Variants in SCAP observed in about 807,000 individuals in gnomAD.
SCAP encodes sterol regulatory element-binding protein cleavage-activating protein.
SCAP carries 65 observed loss-of-function variants against 123.6 expected under a neutral mutation model. That is an observed-to-expected ratio of 0.53 (90% CI 0.43 to 0.65). The LOEUF is 0.65. SCAP is among the 30% of genes least tolerant of loss of function. The pLI is 0.00. For missense variants in SCAP, 1,398 were observed against 1,712.5 expected (o/e 0.82, Z 3.24); for synonymous variants, 740 against 726.3 (o/e 1.02, Z -0.30).
chr3:47,435,224 A>G, intron 2 of SCAP, 87 bp from the exon 3 acceptor site: 1 of 1,423,766 alleles, frequency 7.0e-7, no homozygotes, highest in Non-Finnish European at 9.4e-7. Flanking sequence ...TGGAGTTAAT[A>G]ACTAAATTCT....
At chr3:47,429,712 A>G (rs1706283962) in intron 3 of SCAP, among the ~76,000 whole-genome samples, 1 of 152,180 alleles carries the variant, frequency 6.6e-6, no homozygotes, top group Non-Finnish European at 1.5e-5. Flanking sequence ...ATTTTTACTG[A>G]AGCACAGCCA....
intron 10 of SCAP, among the ~76,000 whole-genome samples, chr3:47,421,570 TG>T (rs1705901490): frequency 6.6e-6 from 1 of 152,260 alleles, no homozygotes; most frequent in Admixed American, 6.5e-5. Context: ...TTTTCTGAGA[TG>T]TCGGTGTTGA....
intron 1 of SCAP, among the ~76,000 whole-genome samples, chr3:47,462,203 C>T (rs1010289747): frequency 1.3e-5 from 2 of 152,160 alleles, no homozygotes; most frequent in Non-Finnish European, 2.9e-5. Flanking sequence ...GCAGCCATCA[C>T]CACCATCCAT....
chr3:47,476,066 C>T (rs1317766262), upstream of SCAP: 3 of 151,542 alleles, frequency 2.0e-5, no homozygotes, highest in African/African-American at 4.9e-5. Context: ...CTGGTGGACA[C>T]CGGAGGGAAG....
At chr3:47,442,720 G>A in intron 2 of SCAP, 152 bp downstream of exon 2, 1 of 659,760 alleles carries the variant, frequency 1.5e-6, no homozygotes, top group South Asian at 2.1e-5. Flanking sequence ...AACCAGGCCA[G>A]GACTAGAGTT....
At chr3:47,429,262 C>G (rs545824412) in intron 3 of SCAP, among the ~76,000 whole-genome samples, 1 of 152,352 alleles carries the variant, frequency 6.6e-6, no homozygotes, top group South Asian at 2.1e-4. Context: ...GCACATTGGG[C>G]AGCGAGCCTC....
rs1183920651 is a variant in SCAP, at chr3:47,417,137, A to T, written c.3041T>A (p.Val1014Glu). The T allele has an allele frequency of 6.2e-7, 1 of 1,613,084 alleles. No homozygotes were observed. Among genetic ancestry groups the T allele is most frequent in the South Asian group, 1.1e-5 (1 of 91,090 alleles). Residue 1014 changes from valine (V) to glutamate (E), a missense_variant, in exon 18 of 23, where the codon GTG becomes GAG. By Grantham distance (121) the Val-to-Glu change is moderately radical. Around this residue, in one of 7 missense-constraint regions of SCAP, gnomAD observed 828 missense variants for 882.5 expected, o/e 0.94. Coordinates refer to ENST00000265565, the MANE Select transcript of SCAP (RefSeq NM_012235.4). ...EEVSSGITAL[V>E]FLDKRIVAAR... ...CCACGCTCACCTTTTGTCCAAGAACACCAGAGCGGTAATGCCTGAGGAGAC... is the reference window on the plus strand; with the variant it reads ...CCACGCTCACCTTTTGTCCAAGAACTCCAGAGCGGTAATGCCTGAGGAGAC...
intron 1 of SCAP, among the ~76,000 whole-genome samples, chr3:47,455,589 C>T: frequency 8.1e-6 from 1 of 123,604 alleles, no homozygotes; most frequent in Non-Finnish European, 1.6e-5. Context: ...AGCAAGACTC[C>T]ACCTCAAAAA....
At chr3:47,434,659 G>A (rs939285505) in intron 3 of SCAP, among the ~76,000 whole-genome samples, 15 of 152,146 alleles carry the variant, frequency 9.9e-5, no homozygotes, top group Non-Finnish European at 2.1e-4. Flanking sequence ...CCAACATAGT[G>A]AAACTCCATC....
chr3:47,418,085 G>T (rs1266857710), intron 16 of SCAP, 49 bp downstream of exon 16: 3 of 1,394,934 alleles, frequency 2.2e-6, no homozygotes, highest in South Asian at 1.2e-5. Context: ...GGGGGGTGGG[G>T]TGAGGGGGGT....
intron 2 of SCAP, among the ~76,000 whole-genome samples, chr3:47,438,639 C>A (rs1300844472): frequency 6.6e-6 from 1 of 151,828 alleles, no homozygotes; most frequent in Non-Finnish European, 1.5e-5. Context: ...CATGGTGAAA[C>A]CCCGTCTTTA....
chr3:47,424,173 C>T, intron 8 of SCAP, 128 bp from the exon 9 acceptor site: 1 of 673,510 alleles, frequency 1.5e-6, no homozygotes, highest in South Asian at 1.7e-5. Context: ...AGGTGCTGGG[C>T]AGAAACCCTC....
Position 47,414,285 on chromosome 3 carries a change from G to A in SCAP, c.3489C>T (p.Val1163=). The change falls in exon 22 of 23, where the codon GTC becomes GTT. Residue 1163 remains valine (V), a synonymous_variant. Coordinates refer to ENST00000265565, the MANE Select transcript of SCAP (RefSeq NM_012235.4). The part of the protein sequence containing the change: ...VSHVFAHRGD[V]TSLTCTTSCV... ...AGGAGGTGGTACAGGTAAGGGAGGT[G>A]ACATCCCCACGGTGAGCAAACACAT... is the stretch of plus-strand genomic sequence containing the variant. The A allele has an allele frequency of 3.7e-6, 6 of 1,613,438 alleles. No individual in the cohort carries two copies. Among genetic ancestry groups the A allele is most frequent in the Non-Finnish European group, 4.2e-6 (5 of 1,180,018 alleles).
chr3:47,469,216 C>T (rs983962048), intron 1 of SCAP, among the ~76,000 whole-genome samples: 1 of 152,114 alleles, frequency 6.6e-6, no homozygotes, highest in Non-Finnish European at 1.5e-5. Flanking sequence ...GGTGTGGTGG[C>T]ACATGCCTGT....
intron 2 of SCAP, 102 bp downstream of exon 2, chr3:47,442,770 T>TA (rs1706855444): frequency 9.6e-7 from 1 of 1,037,010 alleles, no homozygotes; most frequent in Non-Finnish European, 1.5e-6. Context: ...TCCCATTGTG[T>TA]AAAAAGCATA....
intron 1 of SCAP, among the ~76,000 whole-genome samples, chr3:47,467,988 C>T (rs543183620): frequency 6.0e-5 from 9 of 151,170 alleles, no homozygotes; most frequent in East Asian, 3.9e-4. Context: ...TCTGTCCTTG[C>T]GATAGTTTGC....
At chr3:47,444,559 C>G (rs953269662) in intron 1 of SCAP, among the ~76,000 whole-genome samples, 1 of 152,094 alleles carries the variant, frequency 6.6e-6, no homozygotes, top group Non-Finnish European at 1.5e-5. Flanking sequence ...ACTGCAACCT[C>G]TGCCTCCCAG....
intron 1 of SCAP, among the ~76,000 whole-genome samples, chr3:47,461,286 A>G (rs758995833): frequency 1.3e-5 from 2 of 152,198 alleles, no homozygotes; most frequent in Admixed American, 6.5e-5. Context: ...ATTTGGTCAA[A>G]GTCTAAAAAA....
intron 3 of SCAP, among the ~76,000 whole-genome samples, chr3:47,434,598 G>T (rs1303014906): frequency 2.0e-5 from 3 of 152,222 alleles, no homozygotes; most frequent in African/African-American, 7.2e-5. Context: ...AGCACTTTGG[G>T]AGGCCAAGGC....
Sources: allele counts gnomAD v4.1 joint callset (sites outside exome capture counted in the v4.1 genomes callset), GRCh38; gene constraint gnomAD v4.1.1; regional missense constraint gnomAD v4.1.1; transcripts MANE v1.5; gene names NCBI Gene and HGNC (gene_info 2026-07-23, HGNC 2026-07-21).